The following AARS1 variants were observed in gnomAD, a reference collection of about 807,000 sequenced individuals.
The protein encoded by AARS1 is alanine--tRNA ligase, cytoplasmic.
In AARS1, 72 loss-of-function variants were observed where a neutral mutation model predicts 108.9. That is an observed-to-expected ratio of 0.66 (90% confidence interval 0.55 to 0.80). The LOEUF is 0.80. Ranked by LOEUF, AARS1 falls within the 30% of genes least tolerant of loss-of-function variation. The pLI is 0.00. For synonymous variants in AARS1, 489 were observed against 465.7 expected (o/e 1.05, Z -0.64); for missense variants, 1,193 against 1,233.2 (o/e 0.97, Z 0.49).
chr16:70,258,892 C>T, intron 14 of AARS1, 88 bp downstream of exon 14: 3 of 1,422,196 alleles, frequency 2.1e-6, no homozygotes, highest in East Asian at 4.6e-5. Flanking sequence ...GAATCTGATA[C>T]AACAGAGTGA....
rs200908634 is a variant in AARS1, at chr16:70,264,954, A to G, written c.1492+4T>C. ...TCAGATGTGGAAGGAGCACAGCAAC[A>G]TACCATAGCTACCACTGGAGTCCAA... On this transcript the variant is annotated splice_donor_region_variant and intron_variant, in intron 11 of 20. Transcript: ENST00000261772. The G allele has an allele frequency of 1.2e-6, 2 of 1,614,100 alleles. No homozygotes were observed. The highest frequency in any genetic ancestry group is 1.3e-5 in the African/African-American group (1 of 75,028).
At chr16:70,286,990 G>A (rs572758364) in intron 1 of AARS1, among the ~76,000 whole-genome samples, 116 of 151,552 alleles carry the variant, frequency 7.7e-4, no homozygotes, top group African/African-American at 2.8e-3. Context: ...GGTGGCTCAC[G>A]CCTGTAATCC....
intron 12 of AARS1, among the ~76,000 whole-genome samples, chr16:70,261,726 G>C (rs1960137992): frequency 6.9e-6 from 1 of 145,028 alleles, no homozygotes. Flanking sequence ...CTGGAGTGCA[G>C]TGGCGCAATC....
At position 70,266,344 on chromosome 16, in the gene AARS1, A is replaced by T. The variant is rs187592926; in HGVS notation, c.1223-682T>A. ...TAAAAAATAAAAAAAAATAAATAAA[A>T]AAATTGCCAGGCGCGGTGGCGGACA... On this transcript the variant is annotated intron_variant, in intron 9 of 20. Coordinates refer to ENST00000261772, the MANE Select transcript of AARS1 (RefSeq NM_001605.3). Among the ~76,000 whole-genome samples the T allele has an allele frequency of 6.1e-3, 914 of 150,632 alleles. 14 individuals are homozygous for T. Among genetic ancestry groups the T allele is most frequent in the African/African-American group, 0.015 (597 of 41,136 alleles).
intron 1 of AARS1, among the ~76,000 whole-genome samples, chr16:70,284,260 C>G (rs890548302): frequency 9.4e-5 from 14 of 149,486 alleles, no homozygotes; most frequent in Admixed American, 2.7e-4. Context: ...CAGCCGAGAT[C>G]GCGCCACTGC....
chr16:70,255,194 ATT>A (rs946837808), intron 16 of AARS1, among the ~76,000 whole-genome samples: 21 of 104,258 alleles, frequency 2.0e-4, no homozygotes, highest in African/African-American at 5.2e-4. Flanking sequence ...CCAGATTCAC[ATT>A]TTTTTTTTTT....
chr16:70,276,232 A>G (rs1960546778), intron 4 of AARS1: 2 of 227,548 alleles, frequency 8.8e-6, no homozygotes, highest in Non-Finnish European at 1.7e-5. Flanking sequence ...AAATAAATAA[A>G]TAAATAAAGA....
Position 70,265,681 on chromosome 16 carries a change from G to C in AARS1, c.1223-19C>G. On this transcript the variant is annotated intron_variant, in intron 9 of 20. Coordinates refer to ENST00000261772, the MANE Select transcript of AARS1 (RefSeq NM_001605.3). ...GTGTCTCCTACACAGCACAAAGGAG[G>C]TGTGTCAAAAAAAACAGACAGCCCC... 1 of 1,611,614 alleles carries C rather than the reference G, an allele frequency of 6.2e-7. No individual in the cohort carries two copies. The highest frequency in any genetic ancestry group is 8.5e-7 in the Non-Finnish European group (1 of 1,178,646).
chr16:70,253,013 G>T, intron 20 of AARS1, 107 bp from the exon 21 acceptor site: 2 of 1,272,278 alleles, frequency 1.6e-6, no homozygotes, highest in South Asian at 1.2e-5. Context: ...TGCCCTGGGT[G>T]ATACTGCTGG....
rs766834986 is a variant in AARS1, at chr16:70,258,131, A to G, written c.2079T>C (p.Pro693=). 3.1e-6 allele frequency: 5 copies of G among 1,613,326 alleles called. No homozygotes were observed. Among genetic ancestry groups the G allele is most frequent in the South Asian group, 1.1e-5 (1 of 90,850 alleles). ...GGACCCCAATGGAGACGACTCGCAC[A>G]GGGTCAGGATAGGTCTCATCAAACA... ...RAVFDETYPD[P]VRVVSIGVPV... Residue 693 remains proline (P), a synonymous_variant, in exon 15 of 21, where the codon CCT becomes CCC. Transcript: ENST00000261772.
Position 70,271,760 on chromosome 16 carries a change from G to A in AARS1, c.671+21C>T, listed in dbSNP as rs767519167. ...CCCTGCTCAGCTCAAGGAAAGGAAT[G>A]GAGTAGGAACCCAAGGCTACCTGTT... On this transcript the variant is annotated intron_variant, in intron 5 of 20. Coordinates refer to ENST00000261772, the MANE Select transcript of AARS1 (RefSeq NM_001605.3). 19 of 1,612,782 alleles carry A rather than the reference G, an allele frequency of 1.2e-5. No homozygotes were observed. The African/African-American group carries it at 2.3e-4, about 19-fold the overall frequency.
intron 2 of AARS1, among the ~76,000 whole-genome samples, chr16:70,278,727 T>A (rs1364286169): frequency 6.6e-6 from 1 of 152,086 alleles, no homozygotes; most frequent in Non-Finnish European, 1.5e-5. Flanking sequence ...CACAAACTCC[T>A]TAAAAGCAAA....
intron 16 of AARS1, 119 bp from the exon 17 acceptor site, chr16:70,254,853 C>A: frequency 1.4e-6 from 1 of 706,912 alleles, no homozygotes; most frequent in East Asian, 2.8e-5. Flanking sequence ...CCCAACACCC[C>A]AAAAGTGTCT....
Position 70,269,742 on chromosome 16 carries a change from T to A in AARS1, c.838A>T (p.Thr280Ser). The change falls in exon 7 of 21, where the codon ACT becomes TCT. Residue 280 changes from threonine to serine, a missense_variant. Transcript: ENST00000261772. Reference sequence around the variant, plus strand: ...GCATCCTCAGCACCAACTTTCCCAGTGTATGGTCGGGCACCTGTGCCCTAT... The same window carrying A: ...GCATCCTCAGCACCAACTTTCCCAGAGTATGGTCGGGCACCTGTGCCCTAT... ...IQKGTGARPYTGKVGAEDADG... is the reference protein window; with the variant it reads ...IQKGTGARPYSGKVGAEDADG... 6.2e-7 allele frequency: 1 copy of A among 1,613,994 alleles called. No homozygotes were observed. The highest frequency in any genetic ancestry group is 8.5e-7 in the Non-Finnish European group (1 of 1,179,986).
At chr16:70,274,844 T>C (rs1343921835) in intron 4 of AARS1, among the ~76,000 whole-genome samples, 3 of 152,076 alleles carry the variant, frequency 2.0e-5, no homozygotes, top group African/African-American at 7.2e-5. Flanking sequence ...CTATTAATGA[T>C]GATTGAGGGA....
At chr16:70,271,581 T>C (rs374752417) in intron 5 of AARS1, among the ~76,000 whole-genome samples, 200 bp downstream of exon 5, 6 of 151,310 alleles carry the variant, frequency 4.0e-5, no homozygotes, top group African/African-American at 7.3e-5. Flanking sequence ...CATGACATTA[T>C]AGGAATAGCT....
chr16:70,256,029 C>T (rs1162896256), intron 15 of AARS1, among the ~76,000 whole-genome samples, 193 bp from the exon 16 acceptor site: 1 of 152,168 alleles, frequency 6.6e-6, no homozygotes, highest in Non-Finnish European at 1.5e-5. Context: ...GGGGATGATT[C>T]TCCCCACACA....
chr16:70,261,744 A>C (rs1960138532), intron 12 of AARS1, among the ~76,000 whole-genome samples: 1 of 143,824 alleles, frequency 7.0e-6, no homozygotes, highest in Non-Finnish European at 1.5e-5. Flanking sequence ...ATCTCGGCTC[A>C]CTGCAACCAC....
In AARS1 at chr16:70,265,664, T is replaced by G. The variant is rs111602240; in HGVS notation, c.1223-2A>C. 6.2e-7 allele frequency: 1 copy of G among 1,613,444 alleles called. No homozygotes were observed. The highest frequency in any genetic ancestry group is 8.5e-7 in the Non-Finnish European group (1 of 1,179,638). ...CATAGAGGAGCCAAGCAGTGTCTCC[T>G]ACACAGCACAAAGGAGGTGTGTCAA... On this transcript the variant is annotated splice_acceptor_variant, in intron 9 of 20. Transcript: ENST00000261772. LOFTEE classifies it high-confidence loss of function.
Sources: allele counts gnomAD v4.1 joint callset (sites outside exome capture counted in the v4.1 genomes callset), GRCh38; gene constraint gnomAD v4.1.1; transcripts MANE v1.5; gene names NCBI Gene and HGNC (gene_info 2026-07-23, HGNC 2026-07-21).